IRS2: variants seen among roughly 807,000 people sequenced by gnomAD.
IRS2 encodes insulin receptor substrate 2.
In IRS2, 28 loss-of-function variants were observed where a neutral mutation model predicts 70.9. The observed-to-expected ratio is 0.39, with a 90% CI of 0.29 to 0.54. IRS2 has a LOEUF of 0.54. Among genes scored for constraint, IRS2 ranks in the 20% least tolerant of loss-of-function variants. The pLI is 0.59. For missense variants in IRS2, 2,081 were observed against 2,024.1 expected (o/e 1.03, Z -0.54); for synonymous variants, 1,217 against 981.9 (o/e 1.24, Z -4.48).
At position 109,784,748 on chromosome 13, in the gene IRS2, C is replaced by T; in HGVS notation, c.1306G>A (p.Ala436Thr). 8.1e-7 allele frequency: 1 copy of T among 1,233,372 alleles called. No homozygotes were observed. Among genetic ancestry groups the T allele is most frequent in the Non-Finnish European group, 1.0e-6 (1 of 988,522 alleles). The allele number at this position is 1,233,372 out of a possible 1,614,324, so 76.4% of individuals were successfully genotyped here. Residue 436 changes from alanine (A) to threonine (T), a missense_variant, in exon 1 of 2, where the codon GCG (alanine) becomes ACG (threonine). Ala to Thr is a moderately conservative substitution (Grantham distance 58). Around this residue, in one of 4 missense-constraint regions of IRS2, gnomAD observed 1,615 missense variants for 1,459.5 expected, o/e 1.11. Coordinates refer to ENST00000375856, the MANE Select transcript of IRS2 (RefSeq NM_003749.3). This position sits in a 1 kb window ranked among gnomAD's most constrained non-coding sequence, Gnocchi z 5.2. ...QHSRSMSMPVAHSPPAATSPG... is the reference protein window; with the variant it reads ...QHSRSMSMPVTHSPPAATSPG... ...CTGGTGGCGGCGGGCGGCGAGTGCG[C>T]CACGGGCATGGACATGGAGCGGCTG... is the stretch of plus-strand genomic sequence containing the variant.
At chr13:109,767,483 C>T (rs1362059059) in intron 1 of IRS2, among the ~76,000 whole-genome samples, 1 of 152,154 alleles carries the variant, frequency 6.6e-6, no homozygotes, top group Non-Finnish European at 1.5e-5. Flanking sequence ...GTGATTGACA[C>T]AGTCACATTT....
chr13:109,778,331 T>C (rs903534409), intron 1 of IRS2, among the ~76,000 whole-genome samples: 2 of 152,236 alleles, frequency 1.3e-5, no homozygotes, highest in African/African-American at 4.8e-5. Context: ...CCACATACTA[T>C]GCTTCCTTCT....
At chr13:109,759,986 T>C (rs374483782) in intron 1 of IRS2, among the ~76,000 whole-genome samples, 57 of 152,278 alleles carry the variant, frequency 3.7e-4, no homozygotes, top group African/African-American at 1.3e-3. Flanking sequence ...TCAAAGTAAC[T>C]GAAGTTATCC....
intron 1 of IRS2, among the ~76,000 whole-genome samples, chr13:109,780,926 A>T (rs1355664602): frequency 6.6e-6 from 1 of 152,222 alleles, no homozygotes; most frequent in African/African-American, 2.4e-5. Context: ...CACCAGCTGC[A>T]TTCTGCATCA....
At chr13:109,758,548 TG>T (rs1166906379) in intron 1 of IRS2, among the ~76,000 whole-genome samples, 3 of 61,796 alleles carry the variant, frequency 4.9e-5, no homozygotes, top group Non-Finnish European at 1.6e-4. Context: ...ACATTTTCAT[TG>T]TTTTTTTTAG....
intron 1 of IRS2, among the ~76,000 whole-genome samples, chr13:109,767,728 CTTTTTTTTTTTT>C (rs748211544): frequency 7.5e-5 from 9 of 119,800 alleles, no homozygotes; most frequent in East Asian, 2.2e-4. Context: ...ACCATTTTTC[CTTTTTTTTTTTT>C]TTTTTTTTTT....
chr13:109,754,449 G>A lies in IRS2; in HGVS notation c.*1855C>T, dbSNP rs945242538. 5.4e-5 allele frequency: 11 copies of A among 204,954 alleles called. No individual in the cohort carries two copies. Among genetic ancestry groups the A allele is most frequent in the East Asian group, 1.5e-4 (2 of 13,180 alleles). The allele number at this position is 204,954 out of a possible 1,614,324, so 12.7% of individuals were successfully genotyped here. A position where few individuals can be genotyped will look rare whatever the true frequency, so the allele number is the denominator to read the frequency against. On this transcript the variant is annotated 3_prime_UTR_variant, in exon 2 of 2. Transcript: ENST00000375856. Reference sequence around the variant, plus strand: ...GCAGGGTCCATATTCAGTCCCTATCGTACCTGGGGGGAGTTACAAAGCAAA... The same window carrying A: ...GCAGGGTCCATATTCAGTCCCTATCATACCTGGGGGGAGTTACAAAGCAAA...
At chr13:109,778,210 T>C (rs1276383529) in intron 1 of IRS2, among the ~76,000 whole-genome samples, 1 of 152,220 alleles carries the variant, frequency 6.6e-6, no homozygotes, top group East Asian at 1.9e-4. Context: ...ACCCCCATTT[T>C]ACAGACAGGG....
At chr13:109,767,000 C>T (rs1244198010) in intron 1 of IRS2, among the ~76,000 whole-genome samples, 1 of 152,238 alleles carries the variant, frequency 6.6e-6, no homozygotes, top group Admixed American at 6.5e-5. Context: ...ATCTTGTAGA[C>T]ATTTTCCAAT....
intron 1 of IRS2, among the ~76,000 whole-genome samples, chr13:109,773,357 T>C (rs1360115861): frequency 6.6e-6 from 1 of 152,222 alleles, no homozygotes; most frequent in Non-Finnish European, 1.5e-5. Flanking sequence ...TAATGACTCA[T>C]TTCTTAGAAA....
intron 1 of IRS2, among the ~76,000 whole-genome samples, chr13:109,762,251 A>G (rs1414584632): frequency 6.6e-6 from 1 of 152,268 alleles, no homozygotes; most frequent in African/African-American, 2.4e-5. Context: ...CGCCAATGCC[A>G]TAGGAGAAAC....
chr13:109,780,815 A>G (rs1877679001), intron 1 of IRS2, among the ~76,000 whole-genome samples: 1 of 152,178 alleles, frequency 6.6e-6, no homozygotes, highest in Non-Finnish European at 1.5e-5. Flanking sequence ...CAAAGAAAAC[A>G]GCTACAAAAT....
intron 1 of IRS2, among the ~76,000 whole-genome samples, chr13:109,772,312 A>G (rs1877469341): frequency 6.6e-6 from 1 of 152,196 alleles, no homozygotes; most frequent in Non-Finnish European, 1.5e-5. Context: ...GAGGCACCCA[A>G]ACCTTGCTGG....
chr13:109,784,845 G>A lies in IRS2; in HGVS notation c.1209C>T (p.His403=). The change falls in exon 1 of 2, where the codon CAC becomes CAT. Residue 403 remains histidine, a synonymous_variant. Transcript: ENST00000375856. The surrounding 1 kb of genome is among the most constrained non-coding windows in gnomAD (Gnocchi z 5.2). ...GPVRAPLSRS[H]TLSGGCGGRG... ...GGCCGCCGCAGCCGCCGCTCAGGGT[G>A]TGCGAGCGGCTCAGGGGCGCGCGCA... 1 of 1,236,236 alleles carries A rather than the reference G, an allele frequency of 8.1e-7. No homozygotes were observed. Among genetic ancestry groups the A allele is most frequent in the Non-Finnish European group, 1.0e-6 (1 of 978,912 alleles). 76.6% of individuals were successfully genotyped at this position (1,236,236 alleles called of 1,614,324 possible).
chr13:109,761,589 G>GAAA (rs59128444), intron 1 of IRS2, among the ~76,000 whole-genome samples: 6 of 131,846 alleles, frequency 4.6e-5, no homozygotes, highest in South Asian at 4.8e-4. Flanking sequence ...CTAAGAACAT[G>GAAA]AAAAAAAAAA....
At position 109,753,866 on chromosome 13, in the gene IRS2, A is replaced by C; in HGVS notation, c.*2438T>G. On this transcript the variant is annotated 3_prime_UTR_variant, in exon 2 of 2. Transcript: ENST00000375856. ...TTTCATAAATAATGTACTTTATTTT[A>C]TTGCATATGGCTATTAAGGAGGGCA... 8.8e-6 allele frequency: 2 copies of C among 227,532 alleles called. No individual in the cohort carries two copies. Among genetic ancestry groups the C allele is most frequent in the Non-Finnish European group, 1.8e-5 (2 of 114,214 alleles). The allele number at this position is 227,532 out of a possible 1,614,324, so 14.1% of individuals were successfully genotyped here.
chr13:109,754,433 A>G lies in IRS2; in HGVS notation c.*1871T>C, dbSNP rs1323261499. On this transcript the variant is annotated 3_prime_UTR_variant, in exon 2 of 2. Transcript: ENST00000375856. ...CAATACACTGCTTTCAGCAGGGTCC[A>G]TATTCAGTCCCTATCGTACCTGGGG... The G allele has an allele frequency of 5.8e-5, 12 of 207,200 alleles. No homozygotes were observed. The highest frequency in any genetic ancestry group is 3.6e-4 in the Admixed American group (6 of 16,872). 12.8% of individuals were successfully genotyped at this position (207,200 alleles called of 1,614,324 possible).
In IRS2 at chr13:109,784,403, G is replaced by T; in HGVS notation, c.1651C>A (p.His551Asn). 1 of 1,610,580 alleles carries T rather than the reference G, an allele frequency of 6.2e-7. No homozygotes were observed. Among genetic ancestry groups the T allele is most frequent in the Non-Finnish European group, 8.5e-7 (1 of 1,179,258 alleles). Residue 551 changes from histidine (H) to asparagine (N), a missense_variant, in exon 1 of 2, where the codon CAC becomes AAC. Physicochemically the swap from His to Asn is moderately conservative, Grantham distance 68. Around this residue, in one of 4 missense-constraint regions of IRS2, gnomAD observed 1,615 missense variants for 1,459.5 expected, o/e 1.11. Coordinates refer to ENST00000375856, the MANE Select transcript of IRS2 (RefSeq NM_003749.3). The surrounding 1 kb of genome is among the most constrained non-coding windows in gnomAD (Gnocchi z 5.2). ...GYMTMDRPLS[H>N]CGRSYRRVSG... ...ACCCGGCGGTAGGAGCGGCCACAGTGGCTCAGGGGCCTGTCCATGGTCATG... is the reference window on the plus strand; with the variant it reads ...ACCCGGCGGTAGGAGCGGCCACAGTTGCTCAGGGGCCTGTCCATGGTCATG...
At position 109,784,830 on chromosome 13, in the gene IRS2, G is replaced by C. The variant is rs1487911776; in HGVS notation, c.1224C>G (p.Gly408=). ...CCACCTTGCTCCCGCGGCCGCCGCA[G>C]CCGCCGCTCAGGGTGTGCGAGCGGC... ...PLSRSHTLSG[G]CGGRGSKVAL... The change falls in exon 1 of 2, where the codon GGC becomes GGG. Residue 408 remains glycine (G), a synonymous_variant. Coordinates refer to ENST00000375856, the MANE Select transcript of IRS2 (RefSeq NM_003749.3). The surrounding 1 kb of genome is among the most constrained non-coding windows in gnomAD (Gnocchi z 5.2). 8.0e-7 allele frequency: 1 copy of C among 1,255,298 alleles called. No homozygotes were observed. Among genetic ancestry groups the C allele is most frequent in the Non-Finnish European group, 1.0e-6 (1 of 990,922 alleles). 77.8% of individuals were successfully genotyped at this position (1,255,298 alleles called of 1,614,324 possible). A position where few individuals can be genotyped will look rare whatever the true frequency, so the allele number is the denominator to read the frequency against.
Sources: gnomAD v4.1 joint callset for allele counts (sites outside exome capture counted in the v4.1 genomes callset) on GRCh38, gnomAD v4.1.1 for gene constraint, gnomAD v4.1.1 regional missense constraint, Gnocchi (gnomAD v3.1) non-coding constraint, MANE v1.5 for transcripts, NCBI Gene and HGNC (gene_info 2026-07-23, HGNC 2026-07-21) for gene names.